Variants in SHISA6 observed in about 807,000 individuals in gnomAD.
SHISA6 encodes protein shisa-6.
In SHISA6, 22 loss-of-function variants were observed where a neutral mutation model predicts 47.9. The ratio of observed to expected loss-of-function variants is 0.46; its 90% CI spans 0.33 to 0.66. The LOEUF (loss-of-function observed/expected upper bound fraction) is 0.66. SHISA6 is among the 30% of genes least tolerant of loss of function. SHISA6 has a pLI of 0.02. For synonymous variants in SHISA6, 388 were observed against 337.8 expected, an observed-to-expected ratio of 1.15 and a Z score of -1.63; for missense variants, 680 against 764.6, an observed-to-expected ratio of 0.89 and a Z score of 1.30.
chr17:11,404,424 C>T (rs1199861152), intron 3 of SHISA6, among the ~76,000 whole-genome samples: 1 of 152,070 alleles, frequency 6.6e-6, no homozygotes, highest in Non-Finnish European at 1.5e-5. Context: ...TGTCTAGACA[C>T]CAAATTGTTC....
chr17:11,372,373 C>T (rs1438050456), intron 2 of SHISA6, among the ~76,000 whole-genome samples: 1 of 152,292 alleles, frequency 6.6e-6, no homozygotes. Context: ...GAATGAGGTG[C>T]CCATTCTCCT....
chr17:11,463,517 A>T (rs1331182876), intron 3 of SHISA6, among the ~76,000 whole-genome samples: 1 of 152,222 alleles, frequency 6.6e-6, no homozygotes, highest in African/African-American at 2.4e-5. Flanking sequence ...TCTGTTAGTT[A>T]AATGCTTTTA....
intron 3 of SHISA6, among the ~76,000 whole-genome samples, chr17:11,403,733 CT>C (rs1913854054): frequency 6.6e-6 from 1 of 152,222 alleles, no homozygotes; most frequent in African/African-American, 2.4e-5. Flanking sequence ...TTGACTACCC[CT>C]GTAGTACCTA....
rs533553670 is a variant in SHISA6, at chr17:11,510,034, G to T, written c.896-41862G>T. Among the ~76,000 whole-genome samples the T allele has an allele frequency of 3.6e-3, 546 of 152,106 alleles. 5 individuals are homozygous for T. Among genetic ancestry groups the T allele is most frequent in the African/African-American group, 0.013 (520 of 41,506 alleles). On this transcript the variant is annotated intron_variant, in intron 3 of 5. Transcript: ENST00000441885. ...TAAGGGAAAACCGAGGAAGAAGAAA[G>T]CACACACTTTCCTGCCTGCAGCTTT...
At chr17:11,504,804 G>A (rs995793270) in intron 3 of SHISA6, among the ~76,000 whole-genome samples, 2 of 152,120 alleles carry the variant, frequency 1.3e-5, no homozygotes, top group African/African-American at 4.8e-5. Context: ...GGAGATGTTA[G>A]GACTGAAAAG....
chr17:11,463,835 CT>C (rs1296130295), intron 3 of SHISA6, among the ~76,000 whole-genome samples: 1 of 152,128 alleles, frequency 6.6e-6, no homozygotes, highest in Non-Finnish European at 1.5e-5. Context: ...AAATCATTTG[CT>C]TATACATTTT....
chr17:11,337,768 A>G (rs1432785483), intron 2 of SHISA6, among the ~76,000 whole-genome samples: 1 of 152,162 alleles, frequency 6.6e-6, no homozygotes, highest in Non-Finnish European at 1.5e-5. Context: ...TGTCTTCACC[A>G]TCAGACCTGA....
intron 2 of SHISA6, among the ~76,000 whole-genome samples, chr17:11,308,197 C>T (rs1910194931): frequency 6.6e-6 from 1 of 152,140 alleles, no homozygotes; most frequent in Non-Finnish European, 1.5e-5. Context: ...GAACCATCTG[C>T]CCTGAATTTC....
intron 2 of SHISA6, among the ~76,000 whole-genome samples, chr17:11,376,422 G>C (rs1912803514): frequency 6.6e-6 from 1 of 151,114 alleles, no homozygotes; most frequent in Non-Finnish European, 1.5e-5. Context: ...GGTTCAAGCA[G>C]TTCTCCTGCC....
chr17:11,249,175 C>T (rs370135770), intron 1 of SHISA6, among the ~76,000 whole-genome samples: 5 of 151,338 alleles, frequency 3.3e-5, no homozygotes, highest in African/African-American at 1.2e-4. Context: ...ACTGTGAATG[C>T]TTTCTCTCTC....
In SHISA6 at chr17:11,558,207, C is replaced by G. The variant is rs1007956543; in HGVS notation, c.1559C>G (p.Ala520Gly). 12 of 1,542,916 alleles carry G rather than the reference C, an allele frequency of 7.8e-6. No individual in the cohort carries two copies. The African/African-American group carries it at 1.6e-4, about 21-fold the overall frequency. The change falls in exon 6 of 6, where the codon GCC becomes GGC. Residue 520 changes from alanine (A) to glycine (G), a missense_variant. Transcript: ENST00000441885. ...AGCCAGACGGCAGCCAAGCGTCATG[C>G]CTTTGCCTCACGCAGACACAACACG... ...GQSQTAAKRH[A>G]FASRRHNTVE...
At chr17:11,258,853 A>G (rs894679593) in intron 1 of SHISA6, among the ~76,000 whole-genome samples, 7 of 152,236 alleles carry the variant, frequency 4.6e-5, no homozygotes, top group African/African-American at 1.7e-4. Context: ...TGCCCCAACG[A>G]TTAAACACTC....
At chr17:11,385,498 G>T (rs1913161938) in intron 3 of SHISA6, among the ~76,000 whole-genome samples, 1 of 152,184 alleles carries the variant, frequency 6.6e-6, no homozygotes, top group Admixed American at 6.5e-5. Flanking sequence ...GGAAGGACCA[G>T]ATTTTAGGCA....
chr17:11,391,004 G>A (rs559512203), intron 3 of SHISA6, among the ~76,000 whole-genome samples: 14 of 152,308 alleles, frequency 9.2e-5, no homozygotes, highest in African/African-American at 3.4e-4. Context: ...CTGAATGGAC[G>A]GGTCCTAAAT....
intron 2 of SHISA6, among the ~76,000 whole-genome samples, chr17:11,281,333 G>A (rs1056589370): frequency 6.6e-6 from 1 of 152,102 alleles, no homozygotes; most frequent in Non-Finnish European, 1.5e-5. Flanking sequence ...TTCATTAATA[G>A]CTAGTTTGTG....
chr17:11,476,804 A>G (rs961650516), intron 3 of SHISA6, among the ~76,000 whole-genome samples: 1 of 152,150 alleles, frequency 6.6e-6, no homozygotes, highest in African/African-American at 2.4e-5. Flanking sequence ...GAGTTTAACT[A>G]GGTCCTTAAT....
chr17:11,286,278 A>G (rs1356135122), intron 2 of SHISA6, among the ~76,000 whole-genome samples: 1 of 152,194 alleles, frequency 6.6e-6, no homozygotes, highest in Non-Finnish European at 1.5e-5. Flanking sequence ...AGATTCAGGA[A>G]CAGATTCAAA....
At chr17:11,440,161 G>GGTCTTTCAAGAAAGACCAA (rs1363512293) in intron 3 of SHISA6, among the ~76,000 whole-genome samples, 3 of 152,164 alleles carry the variant, frequency 2.0e-5, no homozygotes, top group Non-Finnish European at 4.4e-5. Flanking sequence ...ACCAAGATGA[G>GGTCTTTCAAGAAAGACCAA]GACGCTGCCC....
At chr17:11,382,232 T>C (rs1913035584) in intron 3 of SHISA6, among the ~76,000 whole-genome samples, 1 of 151,894 alleles carries the variant, frequency 6.6e-6, no homozygotes, top group Non-Finnish European at 1.5e-5. Context: ...GCTCCCATGC[T>C]CAGCTAATTT....
Sources: gnomAD v4.1 joint callset for allele counts (sites outside exome capture counted in the v4.1 genomes callset) on GRCh38, gnomAD v4.1.1 for gene constraint, MANE v1.5 for transcripts, NCBI Gene and HGNC (gene_info 2026-07-23, HGNC 2026-07-21) for gene names.